Variants in SEC14L5 observed in about 807,000 individuals in gnomAD.
The protein encoded by SEC14L5 is SEC14-like protein 5.
In SEC14L5, 96 loss-of-function variants were observed where a neutral mutation model predicts 84.6. The ratio of observed to expected loss-of-function variants is 1.13; its 90% CI spans 0.96 to 1.34. The LOEUF (loss-of-function observed/expected upper bound fraction) is 1.34. SEC14L5 is among the 40% of genes most tolerant of loss of function. The pLI is 0.00. For synonymous variants in SEC14L5, 546 were observed against 383.4 expected, an observed-to-expected ratio of 1.42 and a Z score of -4.95; for missense variants, 1,224 against 942.5, an observed-to-expected ratio of 1.30 and a Z score of -3.91.
rs11862013 is a variant in SEC14L5 at position 4,996,317 on chromosome 16, C to G, written c.668-31C>G. ...TGGTAAAGAGACGCAGCGTCTCCCTCTTGTCCTGAAGCTCCCCCTTCTCCT... is the reference window on the plus strand; with the variant it reads ...TGGTAAAGAGACGCAGCGTCTCCCTGTTGTCCTGAAGCTCCCCCTTCTCCT... On this transcript the variant is annotated intron_variant, in intron 6 of 15. Coordinates refer to ENST00000251170, the MANE Select transcript of SEC14L5 (RefSeq NM_014692.2). 9.8e-3 allele frequency: 12,819 copies of G among 1,311,602 alleles called. 898 individuals carry two copies. In the African/African-American group the frequency reaches 0.16, roughly 16 times the overall value. The allele number at this position is 1,311,602 out of a possible 1,614,324, so 81.2% of individuals were successfully genotyped here. A position where few individuals can be genotyped will look rare whatever the true frequency, so the allele number is the denominator to read the frequency against.
At chr16:5,006,295 T>G (rs1955731558) in intron 12 of SEC14L5, among the ~76,000 whole-genome samples, 1 of 152,222 alleles carries the variant, frequency 6.6e-6, no homozygotes, top group Admixed American at 6.5e-5. Flanking sequence ...GTGAGTGAGA[T>G]AGAAGTTTCT....
At chr16:5,010,109 G>A (rs1256175591) in intron 14 of SEC14L5, among the ~76,000 whole-genome samples, 14 of 149,254 alleles carry the variant, frequency 9.4e-5, no homozygotes, top group Non-Finnish European at 1.6e-4. Context: ...CTGGGAGGCC[G>A]AGGCAGGTGA....
chr16:5,017,014 A>G lies in SEC14L5; in HGVS notation c.*2044A>G, dbSNP rs1955881909. On this transcript the variant is annotated 3_prime_UTR_variant, in exon 16 of 16. Transcript: ENST00000251170. ...CTGAGAGCAACTTGCAATATTTTCA[A>G]CTATCTTTAAGTGAATTTCTAGCTT... is the stretch of plus-strand genomic sequence containing the variant. 1 of 152,230 alleles carries G rather than the reference A, an allele frequency of 6.6e-6. No individual in the cohort carries two copies. Among genetic ancestry groups the G allele is most frequent in the Non-Finnish European group, 1.5e-5 (1 of 68,046 alleles). The allele number at this position is 152,230 out of a possible 1,614,324, so 9.4% of individuals were successfully genotyped here.
chr16:5,011,280 G>T lies in SEC14L5; in HGVS notation c.1979+7G>T. 6.2e-7 allele frequency: 1 copy of T among 1,609,338 alleles called. No homozygotes were observed. The highest frequency in any genetic ancestry group is 8.5e-7 in the Non-Finnish European group (1 of 1,176,248). ...TCGCCTCTGAGGACTTCAGGTAGGA[G>T]GGCTCCGGAGCGGGGTCCTGGGCAG... On this transcript the variant is annotated splice_region_variant and intron_variant, in intron 15 of 15. Transcript: ENST00000251170.
chr16:4,965,949 G>C (rs1262974607), intron 2 of SEC14L5, among the ~76,000 whole-genome samples: 1 of 152,082 alleles, frequency 6.6e-6, no homozygotes, highest in African/African-American at 2.4e-5. Flanking sequence ...AACTGAGGCA[G>C]GAGGATCACT....
chr16:4,974,040 G>A (rs11646743), intron 2 of SEC14L5, among the ~76,000 whole-genome samples: 62,656 of 151,716 alleles, frequency 0.41, 13,443 homozygotes, highest in Non-Finnish European at 0.48. Flanking sequence ...GACACAGAAA[G>A]TAGATGAGTC....
intron 2 of SEC14L5, among the ~76,000 whole-genome samples, chr16:4,968,175 A>T (rs1292863773): frequency 6.6e-6 from 1 of 150,522 alleles, no homozygotes; most frequent in East Asian, 2.0e-4. Flanking sequence ...GTTCACCACC[A>T]CGCCTGGCTA....
Position 4,988,940 on chromosome 16 carries a change from G to T in SEC14L5, c.345+660G>T, listed in dbSNP as rs115600341. 9.8e-3 allele frequency among the ~76,000 whole-genome samples: 1,486 copies of T among 152,328 alleles called. 24 individuals carry two copies. Among genetic ancestry groups the T allele is most frequent in the African/African-American group, 0.034 (1,408 of 41,578 alleles). On this transcript the variant is annotated intron_variant, in intron 4 of 15. Coordinates refer to ENST00000251170, the MANE Select transcript of SEC14L5 (RefSeq NM_014692.2). Reference sequence around the variant, plus strand: ...TGTGTGTGCATTTGTCACAGCTAAGGCTGGATCCAGCAGGGAGATGTGTGG... The same window carrying T: ...TGTGTGTGCATTTGTCACAGCTAAGTCTGGATCCAGCAGGGAGATGTGTGG...
At chr16:4,990,983 A>AC in intron 5 of SEC14L5, 88 bp downstream of exon 5, 1 of 1,122,466 alleles carries the variant, frequency 8.9e-7, no homozygotes, top group Admixed American at 2.9e-5. Flanking sequence ...CAAGACCCTT[A>AC]CCCTTCCTGG....
In SEC14L5 at chr16:5,003,392, T is replaced by G. The variant is rs1307956656; in HGVS notation, c.1131-10T>G. 6.2e-7 allele frequency: 1 copy of G among 1,609,934 alleles called. No homozygotes were observed. The stretch of plus-strand genomic sequence containing the variant: ...AGAGCCAGGTGGAGCTGGGGCTATT[T>G]CTGCCACAGCTCCTGGACCTGCCTG... On this transcript the variant is annotated splice_polypyrimidine_tract_variant and intron_variant, in intron 10 of 15. Transcript: ENST00000251170.
At chr16:5,009,996 C>T (rs1415830723) in intron 14 of SEC14L5, among the ~76,000 whole-genome samples, 1 of 151,698 alleles carries the variant, frequency 6.6e-6, no homozygotes. Context: ...GTCCTGAGGT[C>T]AGTAGTCAGA....
At chr16:4,985,291 T>C (rs1487702185) in intron 2 of SEC14L5, among the ~76,000 whole-genome samples, 1 of 152,200 alleles carries the variant, frequency 6.6e-6, no homozygotes, top group Non-Finnish European at 1.5e-5. Context: ...AATGGCACAA[T>C]GTCGCCTCAC....
chr16:5,008,373 C>G (rs1205971693), intron 13 of SEC14L5, 48 bp from the exon 14 acceptor site: 1 of 1,397,120 alleles, frequency 7.2e-7, no homozygotes, highest in Non-Finnish European at 1.0e-6. Context: ...CCCACCCCAG[C>G]TCTACTCTCT....
chr16:5,012,248 G>A (rs1478854718), intron 15 of SEC14L5, among the ~76,000 whole-genome samples: 1 of 152,140 alleles, frequency 6.6e-6, no homozygotes, highest in African/African-American at 2.4e-5. Context: ...AGGCCCAGGG[G>A]GACACAGAGG....
In SEC14L5 at chr16:5,018,833, C is replaced by T. The variant is rs1189214280; in HGVS notation, c.*3863C>T. 4 of 152,182 alleles carry T rather than the reference C, an allele frequency of 2.6e-5. No homozygotes were observed. Among genetic ancestry groups the T allele is most frequent in the East Asian group, 1.9e-4 (1 of 5,202 alleles). The allele number at this position is 152,182 out of a possible 1,614,324, so 9.4% of individuals were successfully genotyped here. A position where few individuals can be genotyped will look rare whatever the true frequency, so the allele number is the denominator to read the frequency against. ...CTGCACTCTCTGGAATTCCCCCTCC[C>T]TGCTGTAAAATTTATTGTCCAATGA... On this transcript the variant is annotated 3_prime_UTR_variant, in exon 16 of 16. Transcript: ENST00000251170.
chr16:4,991,996 C>T lies in SEC14L5; in HGVS notation c.633C>T (p.Thr211=), dbSNP rs1290216518. The change falls in exon 6 of 16, where the codon ACC becomes ACT. Residue 211 remains threonine, a synonymous_variant. Coordinates refer to ENST00000251170, the MANE Select transcript of SEC14L5 (RefSeq NM_014692.2). Reference sequence around the variant, plus strand: ...TGGAGGCCCACGGGCCCCGTAGCACCCTGGGGCCCGCTCTGGAGGCGGTCA... The same window carrying T: ...TGGAGGCCCACGGGCCCCGTAGCACTCTGGGGCCCGCTCTGGAGGCGGTCA... The part of the protein sequence containing the change: ...SSLEAHGPRS[T]LGPALEAVSM... 1 of 1,581,914 alleles carries T rather than the reference C, an allele frequency of 6.3e-7. No individual in the cohort carries two copies. Among genetic ancestry groups the T allele is most frequent in the Non-Finnish European group, 8.5e-7 (1 of 1,169,722 alleles).
At position 4,997,012 on chromosome 16, in the gene SEC14L5, T is replaced by G; in HGVS notation, c.938T>G (p.Phe313Cys). ...TWQPPALLEE[F>C]YAGGWHYQDI... is the part of the protein sequence containing the mutation. ...CAACCCCCTGCCCTGCTGGAGGAGT[T>G]CTATGCAGGGGGCTGGCATTACCAG... is the stretch of plus-strand genomic sequence containing the variant. Residue 313 changes from phenylalanine to cysteine, a missense_variant, in exon 8 of 16, where the codon TTC becomes TGC. Physicochemically the swap from Phe to Cys is radical, Grantham distance 205 (BLOSUM62 -2). Coordinates refer to ENST00000251170, the MANE Select transcript of SEC14L5 (RefSeq NM_014692.2). The G allele has an allele frequency of 6.2e-7, 1 of 1,613,022 alleles. No individual in the cohort carries two copies. The highest frequency in any genetic ancestry group is 8.5e-7 in the Non-Finnish European group (1 of 1,179,476).
At chr16:5,013,700 A>G (rs1453070526) in intron 15 of SEC14L5, among the ~76,000 whole-genome samples, 1 of 151,918 alleles carries the variant, frequency 6.6e-6, no homozygotes, top group Non-Finnish European at 1.5e-5. Flanking sequence ...CTGGGATTAC[A>G]GGTGCGTACC....
intron 8 of SEC14L5, among the ~76,000 whole-genome samples, chr16:5,000,030 G>A (rs1162218861): frequency 1.3e-5 from 2 of 152,138 alleles, no homozygotes; most frequent in Admixed American, 6.5e-5. Context: ...GGTGGCTCAT[G>A]CCTGTGATCC....
Sources: gnomAD v4.1 joint callset for allele counts (sites outside exome capture counted in the v4.1 genomes callset) on GRCh38, gnomAD v4.1.1 for gene constraint, MANE v1.5 for transcripts, NCBI Gene and HGNC (gene_info 2026-07-23, HGNC 2026-07-21) for gene names.